Variants in RANBP17 observed in about 807,000 individuals in gnomAD.
The protein encoded by RANBP17 is RAN binding protein 17, also known as ran-binding protein 17.
A neutral mutation model predicts 141.2 loss-of-function variants in RANBP17; 158 were observed. The observed-to-expected ratio is 1.12, with a 90% CI of 0.98 to 1.28. The LOEUF (loss-of-function observed/expected upper bound fraction) is 1.28, where lower values mean the gene tolerates loss of function less well. Ranked by LOEUF, RANBP17 falls within the 50% of genes most tolerant of loss-of-function variation. The pLI is 0.00. For synonymous variants in RANBP17, 430 were observed against 450.0 expected (o/e 0.96, Z 0.56); for missense variants, 1,438 against 1,290.7 (o/e 1.11, Z -1.75).
At chr5:171,154,736 G>A (rs1244814926) in intron 14 of RANBP17, among the ~76,000 whole-genome samples, 1 of 152,024 alleles carries the variant, frequency 6.6e-6, no homozygotes, top group Non-Finnish European at 1.5e-5. Context: ...CCATTTAACT[G>A]TATAACCTCA....
chr5:171,295,704 C>A (rs1397617525), intron 26 of RANBP17, among the ~76,000 whole-genome samples, 183 bp from the exon 27 acceptor site: 1 of 152,146 alleles, frequency 6.6e-6, no homozygotes, highest in African/African-American at 2.4e-5. Context: ...GAATTGATAA[C>A]TAGGAGTGTC....
chr5:171,288,146 G>A (rs1364300797), intron 25 of RANBP17, among the ~76,000 whole-genome samples: 1 of 152,106 alleles, frequency 6.6e-6, no homozygotes, highest in African/African-American at 2.4e-5. Flanking sequence ...GCCTGTTAAG[G>A]CTGCCATTGT....
intron 12 of RANBP17, among the ~76,000 whole-genome samples, chr5:170,933,973 A>G (rs1034746041): frequency 6.6e-6 from 1 of 152,020 alleles, no homozygotes. Context: ...TATCCTTGTT[A>G]ACTTTCTGTC....
intron 14 of RANBP17, among the ~76,000 whole-genome samples, chr5:171,097,612 TTA>T (rs1491327062): frequency 8.6e-5 from 7 of 81,790 alleles, no homozygotes; most frequent in South Asian, 3.9e-4. Context: ...AGTCTTTTTA[TTA>T]TTATTATTAT....
intron 14 of RANBP17, among the ~76,000 whole-genome samples, chr5:171,166,064 A>C (rs1229753680): frequency 1.3e-5 from 2 of 152,180 alleles, no homozygotes; most frequent in East Asian, 3.8e-4. Flanking sequence ...TATTCATTTA[A>C]GAAACATTAT....
intron 14 of RANBP17, among the ~76,000 whole-genome samples, chr5:171,164,595 T>C (rs1048071530): frequency 2.0e-5 from 3 of 152,180 alleles, no homozygotes; most frequent in Admixed American, 2.0e-4. Context: ...ATAAGAACCT[T>C]TGCAGTAAAA....
chr5:171,192,627 G>C (rs913124494), intron 18 of RANBP17, among the ~76,000 whole-genome samples: 2 of 152,122 alleles, frequency 1.3e-5, no homozygotes, highest in African/African-American at 4.8e-5. Context: ...ACATAAAAAG[G>C]CCTAGAGCAA....
intron 22 of RANBP17, among the ~76,000 whole-genome samples, chr5:171,236,322 A>G (rs1349550348): frequency 1.3e-5 from 2 of 152,234 alleles, no homozygotes; most frequent in African/African-American, 2.4e-5. Flanking sequence ...AAGAAATAAC[A>G]TTGTTTATAC....
chr5:171,265,537 A>C, intron 24 of RANBP17, 144 bp from the exon 25 acceptor site: 1 of 756,616 alleles, frequency 1.3e-6, no homozygotes, highest in Non-Finnish European at 2.1e-6. Context: ...TCTCAAAAAA[A>C]CAAATTCCTG....
At chr5:171,039,984 A>G (rs901810679) in intron 14 of RANBP17, among the ~76,000 whole-genome samples, 9 of 152,130 alleles carry the variant, frequency 5.9e-5, no homozygotes, top group African/African-American at 2.2e-4. Context: ...AACTATTCCA[A>G]AAAATCGAGG....
intron 14 of RANBP17, among the ~76,000 whole-genome samples, chr5:171,120,455 C>CCTGT (rs1755953506): frequency 6.6e-6 from 1 of 152,212 alleles, no homozygotes; most frequent in South Asian, 2.1e-4. Flanking sequence ...CCTCTCTTTG[C>CCTGT]CTGTCTCCAA....
At chr5:170,983,770 T>C (rs1465634530) in intron 14 of RANBP17, among the ~76,000 whole-genome samples, 1 of 152,130 alleles carries the variant, frequency 6.6e-6, no homozygotes, top group Non-Finnish European at 1.5e-5. Flanking sequence ...GAAAAAATAA[T>C]GGTAAGCGTT....
At chr5:170,929,156 C>G (rs1035057162) in intron 12 of RANBP17, among the ~76,000 whole-genome samples, 2 of 152,032 alleles carry the variant, frequency 1.3e-5, no homozygotes, top group Non-Finnish European at 2.9e-5. Context: ...TTAGGATTGT[C>G]TATGTGATCA....
chr5:171,087,357 A>T (rs1364268423), intron 14 of RANBP17, among the ~76,000 whole-genome samples: 1 of 151,952 alleles, frequency 6.6e-6, no homozygotes, highest in Non-Finnish European at 1.5e-5. Context: ...GTTCTTTTAC[A>T]TTTGCTGAGG....
At chr5:171,142,661 G>A (rs1449700320) in intron 14 of RANBP17, among the ~76,000 whole-genome samples, 1 of 152,194 alleles carries the variant, frequency 6.6e-6, no homozygotes, top group African/African-American at 2.4e-5. Flanking sequence ...CTTAGAAGAA[G>A]AAGCCTGTCT....
intron 14 of RANBP17, among the ~76,000 whole-genome samples, chr5:171,165,435 C>T (rs933652023): frequency 1.3e-5 from 2 of 152,160 alleles, no homozygotes; most frequent in African/African-American, 4.8e-5. Flanking sequence ...ACCTCGGCCT[C>T]CCAAAGTGCT....
At position 171,213,626 on chromosome 5, in the gene RANBP17, A is replaced by G. The variant is rs2127972511; in HGVS notation, c.2232-5A>G. 6.2e-7 allele frequency: 1 copy of G among 1,603,302 alleles called. No individual in the cohort carries two copies. Among genetic ancestry groups the G allele is most frequent in the South Asian group, 1.1e-5 (1 of 90,800 alleles). On this transcript the variant is annotated splice_region_variant and splice_polypyrimidine_tract_variant and intron_variant, in intron 20 of 27. Transcript: ENST00000523189. Reference sequence around the variant, plus strand: ...CCTTAAATTCTTTAACAGGCTTTATAAAAGGTACCCAACGTACCTTCCCCT... The same window carrying G: ...CCTTAAATTCTTTAACAGGCTTTATGAAAGGTACCCAACGTACCTTCCCCT...
chr5:171,209,825 C>CT (rs1038874812), intron 20 of RANBP17, among the ~76,000 whole-genome samples: 28 of 152,308 alleles, frequency 1.8e-4, no homozygotes, highest in Admixed American at 1.4e-3. Context: ...CATGGAGTAC[C>CT]TTTAAGCTCT....
intron 14 of RANBP17, among the ~76,000 whole-genome samples, chr5:171,033,538 T>G (rs1040371105): frequency 6.6e-6 from 1 of 152,300 alleles, no homozygotes; most frequent in African/African-American, 2.4e-5. Flanking sequence ...TTATTGTTGC[T>G]TTGGCTAAAA....
Sources: allele counts gnomAD v4.1 joint callset (sites outside exome capture counted in the v4.1 genomes callset), GRCh38; gene constraint gnomAD v4.1.1; transcripts MANE v1.5; gene names NCBI Gene and HGNC (gene_info 2026-07-23, HGNC 2026-07-21).